MBTD1: variants seen among roughly 807,000 people sequenced by gnomAD.
MBTD1 encodes MBT domain-containing protein 1.
In MBTD1, 24 loss-of-function variants were observed where a neutral mutation model predicts 87.8. The observed-to-expected ratio is 0.27, with a 90% CI of 0.20 to 0.38. The LOEUF (loss-of-function observed/expected upper bound fraction) is 0.38, where lower values mean the gene tolerates loss of function less well. MBTD1 is among the 10% of genes least tolerant of loss of function. MBTD1 has a pLI of 1.00. For synonymous variants in MBTD1, 237 were observed against 248.6 expected (o/e 0.95, Z 0.44); for missense variants, 436 against 760.2 (o/e 0.57, Z 5.02).
chr17:51,250,775 A>G (rs1033596721), intron 2 of MBTD1: 1 of 152,126 alleles, frequency 6.6e-6, no homozygotes, highest in Non-Finnish European at 1.5e-5. Flanking sequence ...TATAGTTTTA[A>G]ATATTTTCTC....
intron 7 of MBTD1, among the ~76,000 whole-genome samples, chr17:51,205,355 T>C (rs2051757942): frequency 6.6e-6 from 1 of 152,140 alleles, no homozygotes; most frequent in Non-Finnish European, 1.5e-5. Context: ...AAAACAGAAA[T>C]GTAAAATCGG....
intron 16 of MBTD1, chr17:51,184,961 A>AACATC (rs1197035058): frequency 6.6e-6 from 1 of 152,230 alleles, no homozygotes; most frequent in Non-Finnish European, 1.5e-5. Flanking sequence ...TGGATGTAAG[A>AACATC]ACATCACAGT....
At chr17:51,227,925 C>G (rs945647318) in intron 2 of MBTD1, among the ~76,000 whole-genome samples, 1 of 150,224 alleles carries the variant, frequency 6.7e-6, no homozygotes, top group Non-Finnish European at 1.5e-5. Context: ...GCACTCCAGC[C>G]TGGGCGACAG....
chr17:51,230,116 G>T (rs932462620), intron 2 of MBTD1, among the ~76,000 whole-genome samples: 3 of 152,072 alleles, frequency 2.0e-5, no homozygotes, highest in Non-Finnish European at 4.4e-5. Flanking sequence ...TAACTTTTAG[G>T]TATTTCTATA....
intron 2 of MBTD1, among the ~76,000 whole-genome samples, chr17:51,244,548 C>T (rs2054324264): frequency 6.6e-6 from 1 of 151,972 alleles, no homozygotes; most frequent in African/African-American, 2.4e-5. Context: ...GCTGGGATTA[C>T]AGGTGTGCAC....
At chr17:51,181,151 C>T (rs2050295573) in intron 16 of MBTD1, among the ~76,000 whole-genome samples, 1 of 151,798 alleles carries the variant, frequency 6.6e-6, no homozygotes, top group Non-Finnish European at 1.5e-5. Flanking sequence ...ACCGCCCCCC[C>T]AAGTAGGTGG....
At position 51,201,560 on chromosome 17, in the gene MBTD1, G is replaced by A. The variant is rs372014904; in HGVS notation, c.1224+32C>T. ...TAGCTTATACCCAAATCCTATAATT[G>A]CATTTCTATATTTTAAAACCTATTA... On this transcript the variant is annotated intron_variant, in intron 12 of 16. Coordinates refer to ENST00000586178, the MANE Select transcript of MBTD1 (RefSeq NM_017643.3). 2.3e-5 allele frequency: 32 copies of A among 1,383,198 alleles called. No homozygotes were observed. The African/African-American group carries it at 3.6e-4, about 16-fold the overall frequency. The allele number at this position is 1,383,198 out of a possible 1,614,324, so 85.7% of individuals were successfully genotyped here.
chr17:51,206,678 A>G (rs2143245670), intron 7 of MBTD1, among the ~76,000 whole-genome samples: 1 of 152,330 alleles, frequency 6.6e-6, no homozygotes, highest in Non-Finnish European at 1.5e-5. Context: ...CTATAATGAT[A>G]GAGACGGATA....
chr17:51,203,102 T>C, intron 9 of MBTD1, 38 bp downstream of exon 9: 1 of 1,499,562 alleles, frequency 6.7e-7, no homozygotes, highest in East Asian at 2.3e-5. Context: ...CCCTTGTTTT[T>C]TAGAGCTCTT....
At chr17:51,243,961 G>A (rs2054292641) in intron 2 of MBTD1, among the ~76,000 whole-genome samples, 1 of 152,172 alleles carries the variant, frequency 6.6e-6, no homozygotes, top group Non-Finnish European at 1.5e-5. Flanking sequence ...TTGTCCTCAG[G>A]AAATTGTAAC....
At chr17:51,256,171 A>G (rs1390506331) in intron 2 of MBTD1, 1 of 152,256 alleles carries the variant, frequency 6.6e-6, no homozygotes, top group Non-Finnish European at 1.5e-5. Flanking sequence ...CTCATCTTTT[A>G]TAGCAGCTTA....
Position 51,206,983 on chromosome 17 carries a change from C to G in MBTD1, c.509G>C (p.Gly170Ala). ...TACTCTCACATTTTCTGAGATATCA[C>G]CCCAGCAGGTCCCCATAGGTGCCTG... Reference protein sequence around the residue: ...FKHAPMGTCWGDISENVRVEV... With the variant: ...FKHAPMGTCWADISENVRVEV... The change falls in exon 7 of 17, where the codon GGT becomes GCT. Residue 170 changes from glycine to alanine, a missense_variant. Physicochemically the swap from Gly to Ala is moderately conservative, Grantham distance 60. This residue lies in a region of MBTD1 where 268 missense variants were observed against 401.8 expected (regional missense o/e 0.67). Transcript: ENST00000586178. 1 of 1,611,956 alleles carries G rather than the reference C, an allele frequency of 6.2e-7. No homozygotes were observed. Among genetic ancestry groups the G allele is most frequent in the Non-Finnish European group, 8.5e-7 (1 of 1,178,156 alleles).
chr17:51,253,642 G>C (rs1038919236), intron 2 of MBTD1, among the ~76,000 whole-genome samples: 1 of 152,000 alleles, frequency 6.6e-6, no homozygotes, highest in Admixed American at 6.6e-5. Flanking sequence ...AAGTGGCATG[G>C]GAAGATGAAT....
rs1568136195 is a variant in MBTD1 at position 51,179,514 on chromosome 17, A to ATATATATTTATATT, written c.*1061_*1062insAATATAAATATATA. 19 of 96,066 alleles carry ATATATATTTATATT rather than the reference A, an allele frequency of 2.0e-4. No individual in the cohort carries two copies. The highest frequency in any genetic ancestry group is 3.1e-4 in the Non-Finnish European group (15 of 47,724). The allele number at this position is 96,066 out of a possible 1,614,324, so 6.0% of individuals were successfully genotyped here. ...TATATATATATATATATATATATAT[A>ATATATATTTATATT]TATATATATATATATATATATATGG... is the stretch of plus-strand genomic sequence containing the variant. On this transcript the variant is annotated 3_prime_UTR_variant, in exon 17 of 17. Coordinates refer to ENST00000586178, the MANE Select transcript of MBTD1 (RefSeq NM_017643.3).
intron 16 of MBTD1, among the ~76,000 whole-genome samples, chr17:51,189,476 G>A (rs1027290430): frequency 5.9e-5 from 9 of 152,086 alleles, no homozygotes; most frequent in Non-Finnish European, 1.5e-5. Flanking sequence ...CTAAAAACTG[G>A]GGTGCTAATA....
intron 16 of MBTD1, 27 bp downstream of exon 16, chr17:51,192,176 G>C: frequency 6.8e-7 from 1 of 1,466,558 alleles, no homozygotes; most frequent in African/African-American, 1.4e-5. Context: ...ATTAGAAAAT[G>C]TATGTGAACA....
At chr17:51,240,686 A>C (rs765730439) in intron 2 of MBTD1, among the ~76,000 whole-genome samples, 2 of 152,146 alleles carry the variant, frequency 1.3e-5, no homozygotes, top group African/African-American at 4.8e-5. Flanking sequence ...TCTGCTGTGA[A>C]GTTACTCTGA....
At chr17:51,193,653 T>C in intron 13 of MBTD1, 143 bp from the exon 14 acceptor site, 1 of 614,694 alleles carries the variant, frequency 1.6e-6, no homozygotes, top group Non-Finnish European at 2.9e-6. Flanking sequence ...GGTCTTGCTC[T>C]GTCGCCCAGG....
At chr17:51,259,612 GGA>G (rs969734433) in intron 1 of MBTD1, among the ~76,000 whole-genome samples, 1 of 151,630 alleles carries the variant, frequency 6.6e-6, no homozygotes, top group Non-Finnish European at 1.5e-5. Flanking sequence ...TGGAGGAGAT[GGA>G]GAGAACCCCA....
Sources: allele counts gnomAD v4.1 joint callset (sites outside exome capture counted in the v4.1 genomes callset), GRCh38; gene constraint gnomAD v4.1.1; regional missense constraint gnomAD v4.1.1; transcripts MANE v1.5; gene names NCBI Gene and HGNC (gene_info 2026-07-23, HGNC 2026-07-21).